The following EVI5L variants were observed in gnomAD, a reference collection of about 807,000 sequenced individuals.
EVI5L encodes the protein EVI5-like protein.
Under a neutral mutation model 106.1 loss-of-function variants are expected in EVI5L, and 30 were observed. The ratio of observed to expected loss-of-function variants is 0.28; its 90% CI spans 0.21 to 0.38. The LOEUF (loss-of-function observed/expected upper bound fraction) is 0.38, where lower values mean the gene tolerates loss of function less well. Among genes scored for constraint, EVI5L ranks in the 10% least tolerant of loss-of-function variants. EVI5L has a pLI of 1.00. For synonymous variants in EVI5L, 489 were observed against 483.3 expected (o/e 1.01, Z -0.15); for missense variants, 809 against 1,098.0 (o/e 0.74, Z 3.72).
rs1348644186 is a variant in EVI5L at position 7,849,343 on chromosome 19, G to T, written c.627+13G>T. On this transcript the variant is annotated intron_variant, in intron 5 of 19. Transcript: ENST00000538904. ...GCTCCTCATGCAGGTAGGTGGCTGG[G>T]GGGTGGCTGGGCTCCTGCCAGACAA... 6.2e-7 allele frequency: 1 copy of T among 1,613,522 alleles called. No individual in the cohort carries two copies. Among genetic ancestry groups the T allele is most frequent in the African/African-American group, 1.3e-5 (1 of 74,948 alleles).
rs114480200 is a variant in EVI5L at position 7,847,956 on chromosome 19, C to T, written c.327+35C>T. On this transcript the variant is annotated intron_variant, in intron 3 of 19. Transcript: ENST00000538904. ...GGCCAGGCAGGCAGGGCTGGGCCGACGGCGTGGGCAGGTGGTGCGGTCACT... is the reference window on the plus strand; with the variant it reads ...GGCCAGGCAGGCAGGGCTGGGCCGATGGCGTGGGCAGGTGGTGCGGTCACT... The T allele has an allele frequency of 1.1e-3, 1,739 of 1,514,608 alleles. 26 individuals are homozygous for T. The African/African-American group carries it at 0.022, about 19-fold the overall frequency. The allele number at this position is 1,514,608 out of a possible 1,614,324, so 93.8% of individuals were successfully genotyped here. A position where few individuals can be genotyped will look rare whatever the true frequency, so the allele number is the denominator to read the frequency against.
chr19:7,859,582 C>T (rs1359495957), intron 13 of EVI5L, among the ~76,000 whole-genome samples: 2 of 152,218 alleles, frequency 1.3e-5, no homozygotes, highest in Non-Finnish European at 2.9e-5. Context: ...GCGTTGTGGC[C>T]CTCAGAGTCT....
Position 7,851,445 on chromosome 19 carries a change from A to G in EVI5L, c.765A>G (p.Pro255=), listed in dbSNP as rs749824973. ...QFEYMLQEQL[P]DLNTHFRSQS... ...TCCCACCCCTGCAGGAGCAGCTCCCAGACCTCAACACCCACTTCCGTTCCC... is the reference window on the plus strand; with the variant it reads ...TCCCACCCCTGCAGGAGCAGCTCCCGGACCTCAACACCCACTTCCGTTCCC... Residue 255 remains proline (P), a synonymous_variant, in exon 7 of 20, where the codon CCA becomes CCG. Transcript: ENST00000538904. 8 of 1,611,158 alleles carry G rather than the reference A, an allele frequency of 5.0e-6. No individual in the cohort carries two copies. The highest frequency in any genetic ancestry group is 5.9e-6 in the Non-Finnish European group (7 of 1,178,542).
intron 8 of EVI5L, 32 bp from the exon 9 acceptor site, chr19:7,853,048 GCATGTT>G: frequency 6.2e-7 from 1 of 1,611,226 alleles, no homozygotes; most frequent in East Asian, 2.2e-5. Flanking sequence ...GTCAGGGCCT[GCATGTT>G]GGTGACCAGG....
intron 17 of EVI5L, 98 bp downstream of exon 17, chr19:7,862,632 C>G: frequency 8.8e-7 from 1 of 1,133,202 alleles, no homozygotes; most frequent in Non-Finnish European, 1.2e-6. Flanking sequence ...GGCGTCCTGC[C>G]TCCCGATCTG....
chr19:7,844,546 A>G (rs775524175), intron 1 of EVI5L, among the ~76,000 whole-genome samples: 23 of 151,890 alleles, frequency 1.5e-4, no homozygotes, highest in Non-Finnish European at 2.5e-4. Flanking sequence ...CTGCCCAGAG[A>G]GGTCCTTCTG....
At chr19:7,862,832 C>CGCCCCTGCCCGCGGTCCT (rs1979904551) in intron 17 of EVI5L, 140 bp from the exon 18 acceptor site, 1 of 535,432 alleles carries the variant, frequency 1.9e-6, no homozygotes, top group Admixed American at 4.6e-5. Context: ...CCCGCGGTCC[C>CGCCCCTGCCCGCGGTCCT]GCCCCTGCCC....
Position 7,863,222 on chromosome 19 carries a change from C to G in EVI5L, c.2081C>G (p.Ser694Trp). Residue 694 changes from serine (S) to tryptophan (W), a missense_variant, in exon 19 of 20, where the codon TCG becomes TGG. By Grantham distance (177) the Ser-to-Trp change is radical. Around this residue, in one of 2 missense-constraint regions of EVI5L, gnomAD observed 452 missense variants for 509.9 expected, o/e 0.89. Transcript: ENST00000538904. The surrounding 1 kb of genome is among the most constrained non-coding windows in gnomAD (Gnocchi z 7.7). ...EGRIQGQLNH[S>W]DSSQYIRELK... is the part of the protein sequence containing the mutation. The stretch of plus-strand genomic sequence containing the variant: ...CGCATCCAGGGCCAGCTGAACCACT[C>G]GGACTCATCGCAGTACATCCGCGAG... The G allele has an allele frequency of 6.4e-7, 1 of 1,562,578 alleles. No individual in the cohort carries two copies. Among genetic ancestry groups the G allele is most frequent in the South Asian group, 1.2e-5 (1 of 84,884 alleles).
At chr19:7,841,013 G>A (rs562332119) in intron 1 of EVI5L, among the ~76,000 whole-genome samples, 7 of 152,226 alleles carry the variant, frequency 4.6e-5, no homozygotes, top group South Asian at 2.1e-4. Context: ...TTGAGGAACC[G>A]CCTGACTGTT....
At position 7,863,262 on chromosome 19, in the gene EVI5L, C is replaced by T. The variant is rs1019154833; in HGVS notation, c.2121C>T (p.Ile707=). The T allele has an allele frequency of 2.0e-5, 31 of 1,558,502 alleles. No homozygotes were observed. The highest frequency in any genetic ancestry group is 5.8e-5 in the Admixed American group (3 of 51,502). ...SQYIRELKDQ[I]EELKAEVRLL... Reference sequence around the variant, plus strand: ...ACATCCGCGAGCTCAAGGACCAGATCGAGGAGCTGAAGGCCGAGGTGAGCC... The same window carrying T: ...ACATCCGCGAGCTCAAGGACCAGATTGAGGAGCTGAAGGCCGAGGTGAGCC... The change falls in exon 19 of 20, where the codon ATC becomes ATT. Residue 707 remains isoleucine, a synonymous_variant. Coordinates refer to ENST00000538904, the MANE Select transcript of EVI5L (RefSeq NM_001159944.3). This position sits in a 1 kb window ranked among gnomAD's most constrained non-coding sequence, Gnocchi z 7.7.
intron 1 of EVI5L, among the ~76,000 whole-genome samples, chr19:7,840,436 C>T (rs1228789666): frequency 2.0e-5 from 3 of 152,192 alleles, no homozygotes; most frequent in Admixed American, 6.5e-5. Context: ...CAAGATCATG[C>T]CATTGCACTC....
Position 7,857,350 on chromosome 19 carries a change from G to T in EVI5L, c.1233+226G>T. The stretch of plus-strand genomic sequence containing the variant: ...GTGGAGGGGCTGTGAGTGCGTTTGG[G>T]TGTGAATGTCCACATGCATGTACAG... On this transcript the variant is annotated intron_variant, in intron 12 of 19. Coordinates refer to ENST00000538904, the MANE Select transcript of EVI5L (RefSeq NM_001159944.3). This position sits in a 1 kb window ranked among gnomAD's most constrained non-coding sequence, Gnocchi z 4.5. 1.6e-6 allele frequency: 1 copy of T among 624,490 alleles called. No homozygotes were observed. The highest frequency in any genetic ancestry group is 1.9e-5 in the South Asian group (1 of 52,246). 38.7% of individuals were successfully genotyped at this position (624,490 alleles called of 1,614,324 possible).
In EVI5L at chr19:7,856,122, TGCGGG is replaced by T; in HGVS notation, c.1200+57_1200+61del. On this transcript the variant is annotated intron_variant, in intron 11 of 19. Transcript: ENST00000538904. This position sits in a 1 kb window ranked among gnomAD's most constrained non-coding sequence, Gnocchi z 6.6. ...GGTCGCCATGGGGTGTGACCCACCA[TGCGGG>T]GCATGGCCGCTAACCTGGGGTGGAC... 3 of 1,307,712 alleles carry T rather than the reference TGCGGG, an allele frequency of 2.3e-6. No individual in the cohort carries two copies. The highest frequency in any genetic ancestry group is 6.1e-5 in the Admixed American group (2 of 32,712). 81.0% of individuals were successfully genotyped at this position (1,307,712 alleles called of 1,614,324 possible).
rs777706413 is a variant in EVI5L at position 7,851,733 on chromosome 19, C to T, written c.950C>T (p.Ala317Val). 2.6e-6 allele frequency: 4 copies of T among 1,536,408 alleles called. No homozygotes were observed. Among genetic ancestry groups the T allele is most frequent in the South Asian group, 1.3e-5 (1 of 78,878 alleles). ...VGLALLQVNQ[A>V]ELMQLDMEGM... is the part of the protein sequence containing the mutation. ...CTCGCCCTGCTGCAGGTGAACCAGG[C>T]AGAGCTGATGCAGCTGGACATGGAG... The change falls in exon 8 of 20, where the codon GCA becomes GTA. Residue 317 changes from alanine (A) to valine (V), a missense_variant. Physicochemically the swap from Ala to Val is moderately conservative, Grantham distance 64. Transcript: ENST00000538904.
At chr19:7,847,627 TG>T in intron 2 of EVI5L, 104 bp from the exon 3 acceptor site, 2 of 1,152,184 alleles carry the variant, frequency 1.7e-6, no homozygotes, top group Non-Finnish European at 2.5e-6. Flanking sequence ...ACCTAATCCC[TG>T]GTGTCCTCTA....
chr19:7,845,756 G>A lies in EVI5L; in HGVS notation c.-47-740G>A, dbSNP rs183695814. Among the ~76,000 whole-genome samples, 51 of 152,306 alleles carry A rather than the reference G, an allele frequency of 3.3e-4. No homozygotes were observed. The highest frequency in any genetic ancestry group is 6.6e-4 in the Non-Finnish European group (45 of 68,014). On this transcript the variant is annotated intron_variant, in intron 1 of 19. Transcript: ENST00000538904. The surrounding 1 kb of genome is among the most constrained non-coding windows in gnomAD (Gnocchi z 4.0). ...GTCCTTGAAGCCCCCAGAAGGGTCG[G>A]GCCAGATGACACGGCAAAAAGATAG... is the stretch of plus-strand genomic sequence containing the variant.
At position 7,848,360 on chromosome 19, in the gene EVI5L, G is replaced by T. The variant is rs1488828316; in HGVS notation, c.327+439G>T. ...GCCTGTAATCCCAGTTCGTTGGAAG[G>T]TCGAGGCAGGCAGATCACCTAAGGT... On this transcript the variant is annotated intron_variant, in intron 3 of 19. Coordinates refer to ENST00000538904, the MANE Select transcript of EVI5L (RefSeq NM_001159944.3). The surrounding 1 kb of genome is among the most constrained non-coding windows in gnomAD (Gnocchi z 4.8). Among the ~76,000 whole-genome samples the T allele has an allele frequency of 6.6e-6, 1 of 152,212 alleles. No individual in the cohort carries two copies. Among genetic ancestry groups the T allele is most frequent in the Non-Finnish European group, 1.5e-5 (1 of 68,044 alleles).
At chr19:7,834,096 C>T (rs895313911) in intron 1 of EVI5L, among the ~76,000 whole-genome samples, 3 of 152,286 alleles carry the variant, frequency 2.0e-5, no homozygotes, top group Non-Finnish European at 2.9e-5. Flanking sequence ...CCTGTAATCC[C>T]GGCACTTTGG....
intron 1 of EVI5L, among the ~76,000 whole-genome samples, chr19:7,842,890 TG>T (rs1171242006): frequency 4.6e-5 from 7 of 151,886 alleles, no homozygotes; most frequent in African/African-American, 1.5e-4. Flanking sequence ...TGCATGGGTA[TG>T]TGTGTATTGA....
Sources: gnomAD v4.1 joint callset for allele counts (sites outside exome capture counted in the v4.1 genomes callset) on GRCh38, gnomAD v4.1.1 for gene constraint, gnomAD v4.1.1 regional missense constraint, Gnocchi (gnomAD v3.1) non-coding constraint, MANE v1.5 for transcripts, NCBI Gene and HGNC (gene_info 2026-07-23, HGNC 2026-07-21) for gene names.